CELF4: variants seen among roughly 807,000 people sequenced by gnomAD.
CELF4 encodes CUG-BP- and ETR-3-like factor 4.
A neutral mutation model predicts 59.9 loss-of-function variants in CELF4; 18 were observed. That is an observed-to-expected ratio of 0.30 (90% CI 0.21 to 0.45). The LOEUF (loss-of-function observed/expected upper bound fraction) is 0.45, where lower values mean the gene tolerates loss of function less well. Among genes scored for constraint, CELF4 ranks in the 20% least tolerant of loss-of-function variants. The pLI is 1.00. For missense variants in CELF4, 456 were observed against 689.0 expected (o/e 0.66, Z 3.79); for synonymous variants, 261 against 267.1 (o/e 0.98, Z 0.22).
chr18:37,335,776 C>T (rs1267938307), intron 2 of CELF4, among the ~76,000 whole-genome samples: 7 of 152,130 alleles, frequency 4.6e-5, no homozygotes, highest in Non-Finnish European at 1.0e-4. Flanking sequence ...TGGCTCTCTT[C>T]AACCTTCACT....
chr18:37,392,692 G>A (rs1272345562), intron 2 of CELF4, among the ~76,000 whole-genome samples: 1 of 152,180 alleles, frequency 6.6e-6, no homozygotes, highest in East Asian at 1.9e-4. Flanking sequence ...GCTTAAAAAA[G>A]CATTCTGCAA....
chr18:37,485,693 C>A, intron 1 of CELF4, 86 bp from the exon 2 acceptor site: 4 of 799,180 alleles, frequency 5.0e-6, no homozygotes, highest in Non-Finnish European at 7.0e-6. Context: ...TCCAGGCTCC[C>A]GCCCCTCCCT....
chr18:37,564,602 TA>T (rs1177035411), intron 1 of CELF4, among the ~76,000 whole-genome samples: 1 of 152,034 alleles, frequency 6.6e-6, no homozygotes, highest in Non-Finnish European at 1.5e-5. Context: ...CGCACACACA[TA>T]TTTTTTTCCC....
At chr18:37,357,056 C>G (rs2098601361) in intron 2 of CELF4, among the ~76,000 whole-genome samples, 1 of 152,194 alleles carries the variant, frequency 6.6e-6, no homozygotes, top group African/African-American at 2.4e-5. Context: ...TGGGTCACAC[C>G]CATGCCTTTT....
At chr18:37,411,766 G>T (rs189020115) in intron 2 of CELF4, among the ~76,000 whole-genome samples, 11 of 152,350 alleles carry the variant, frequency 7.2e-5, no homozygotes, top group Admixed American at 6.5e-4. Flanking sequence ...TGGCAGGCAG[G>T]AGATGAGGCG....
At chr18:37,372,640 A>T (rs1043149707) in intron 2 of CELF4, among the ~76,000 whole-genome samples, 2 of 152,210 alleles carry the variant, frequency 1.3e-5, no homozygotes, top group East Asian at 1.9e-4. Flanking sequence ...ATAATAAAAA[A>T]ACAAGAAATC....
chr18:37,470,260 A>T (rs990136090), intron 2 of CELF4, among the ~76,000 whole-genome samples: 3 of 152,224 alleles, frequency 2.0e-5, no homozygotes, highest in Non-Finnish European at 2.9e-5. Flanking sequence ...ACCTAAGACC[A>T]GTGTTTGCAA....
chr18:37,277,436 T>G (rs2154371169), intron 3 of CELF4, among the ~76,000 whole-genome samples: 1 of 152,004 alleles, frequency 6.6e-6, no homozygotes, highest in Non-Finnish European at 1.5e-5. Context: ...CCCCACTTAC[T>G]CCAGGCTCTG....
chr18:37,519,788 G>C (rs1226271644), intron 1 of CELF4, among the ~76,000 whole-genome samples: 1 of 152,220 alleles, frequency 6.6e-6, no homozygotes, highest in Non-Finnish European at 1.5e-5. Context: ...CAGATAAGCA[G>C]TGTGGATGTA....
At chr18:37,515,735 G>A (rs550273936) in intron 1 of CELF4, among the ~76,000 whole-genome samples, 3 of 152,256 alleles carry the variant, frequency 2.0e-5, no homozygotes, top group East Asian at 1.9e-4. Flanking sequence ...CTCTGGGGGT[G>A]TGGGCATGGT....
chr18:37,497,516 G>T (rs907021928), intron 1 of CELF4, among the ~76,000 whole-genome samples: 2 of 152,142 alleles, frequency 1.3e-5, no homozygotes, highest in Non-Finnish European at 2.9e-5. Context: ...GTTGGGCATG[G>T]TGGCATGTGC....
intron 2 of CELF4, among the ~76,000 whole-genome samples, chr18:37,464,329 C>T (rs1274784790): frequency 6.6e-6 from 1 of 152,118 alleles, no homozygotes; most frequent in Non-Finnish European, 1.5e-5. Flanking sequence ...CCAAGCTCCA[C>T]ACACTGCCTT....
At chr18:37,466,972 A>G (rs1228058243) in intron 2 of CELF4, among the ~76,000 whole-genome samples, 1 of 152,154 alleles carries the variant, frequency 6.6e-6, no homozygotes, top group Non-Finnish European at 1.5e-5. Flanking sequence ...TGGGGGAGTC[A>G]GAAGCCAGTG....
chr18:37,534,414 C>T (rs1401690170), intron 1 of CELF4, among the ~76,000 whole-genome samples: 10 of 152,126 alleles, frequency 6.6e-5, no homozygotes, highest in Admixed American at 2.6e-4. Context: ...CGGTCCCCAC[C>T]GGCACCACTG....
chr18:37,404,193 A>G (rs143949747), intron 2 of CELF4, among the ~76,000 whole-genome samples: 82 of 152,314 alleles, frequency 5.4e-4, no homozygotes, highest in Non-Finnish European at 9.8e-4. Context: ...TACAACTTGG[A>G]GAGGTTGAGG....
At chr18:37,535,725 C>T (rs114683387) in intron 1 of CELF4, among the ~76,000 whole-genome samples, 2,392 of 152,268 alleles carry the variant, frequency 0.016, 68 homozygotes, top group African/African-American at 0.054. Flanking sequence ...GGGAAAGGGG[C>T]GGCCACCAGG....
intron 2 of CELF4, among the ~76,000 whole-genome samples, chr18:37,415,203 A>G (rs1603637798): frequency 2.0e-5 from 3 of 152,316 alleles, no homozygotes; most frequent in Admixed American, 6.5e-5. Flanking sequence ...GGGAAGAGAC[A>G]TGGAGGGTGA....
intron 9 of CELF4, 56 bp downstream of exon 9, chr18:37,266,477 G>A: frequency 1.3e-6 from 2 of 1,494,220 alleles, no homozygotes; most frequent in Non-Finnish European, 1.8e-6. Flanking sequence ...GGTGTCACAG[G>A]CGTGGAGAGA....
intron 2 of CELF4, among the ~76,000 whole-genome samples, chr18:37,469,837 C>A (rs578100133): frequency 2.6e-5 from 4 of 152,262 alleles, no homozygotes; most frequent in Non-Finnish European, 4.4e-5. Context: ...GTTTGAGGAA[C>A]ATCCAGGCAC....
Sources: allele counts gnomAD v4.1 joint callset (sites outside exome capture counted in the v4.1 genomes callset), GRCh38; gene constraint gnomAD v4.1.1; transcripts MANE v1.5; gene names NCBI Gene and HGNC (gene_info 2026-07-23, HGNC 2026-07-21).